Variants in SSH2 observed in about 807,000 individuals in gnomAD.
SSH2 encodes the protein protein phosphatase Slingshot homolog 2.
In SSH2, 37 loss-of-function variants were observed where a neutral mutation model predicts 135.2. That is an observed-to-expected ratio of 0.27 (90% CI 0.21 to 0.36). The LOEUF is 0.36. Ranked by LOEUF, SSH2 falls within the 10% of genes least tolerant of loss-of-function variation. The probability of loss-of-function intolerance (pLI) is 1.00; values close to 1 mark genes in which losing one functional copy is unlikely to be tolerated. For synonymous variants in SSH2, 628 were observed against 646.2 expected, an observed-to-expected ratio of 0.97 and a Z score of 0.43; for missense variants, 1,408 against 1,765.3, an observed-to-expected ratio of 0.80 and a Z score of 3.63.
At chr17:29,852,699 G>A (rs1189202841) in intron 1 of SSH2, among the ~76,000 whole-genome samples, 2 of 150,526 alleles carry the variant, frequency 1.3e-5, no homozygotes, top group Non-Finnish European at 3.0e-5. Flanking sequence ...CTACAGGCGC[G>A]TGCCACCACG....
At chr17:29,793,687 G>T in intron 3 of SSH2, 1 of 453,996 alleles carries the variant, frequency 2.2e-6, no homozygotes, top group Non-Finnish European at 4.0e-6. Flanking sequence ...TCAAACTCCT[G>T]GCCTTAAGCA....
At chr17:29,653,419 A>C (rs1419808506) in intron 12 of SSH2, among the ~76,000 whole-genome samples, 1 of 152,178 alleles carries the variant, frequency 6.6e-6, no homozygotes, top group African/African-American at 2.4e-5. Flanking sequence ...TGCATTTTAT[A>C]ATTTAGCCTT....
At chr17:29,736,646 G>A (rs1383239119) in intron 3 of SSH2, among the ~76,000 whole-genome samples, 1 of 150,978 alleles carries the variant, frequency 6.6e-6, no homozygotes, top group Non-Finnish European at 1.5e-5. Context: ...AATTAGCCAG[G>A]CACGGTGGCA....
chr17:29,734,507 A>C (rs2040303736), intron 3 of SSH2, among the ~76,000 whole-genome samples: 1 of 152,158 alleles, frequency 6.6e-6, no homozygotes, highest in South Asian at 2.1e-4. Flanking sequence ...TAAATATCCA[A>C]GCCTAGGGCA....
At chr17:29,737,812 T>C (rs567342638) in intron 3 of SSH2, among the ~76,000 whole-genome samples, 1 of 152,348 alleles carries the variant, frequency 6.6e-6, no homozygotes, top group South Asian at 2.1e-4. Flanking sequence ...AGCAAGATAT[T>C]CTGCTAACTT....
intron 3 of SSH2, among the ~76,000 whole-genome samples, chr17:29,709,785 G>A (rs934525633): frequency 5.3e-5 from 8 of 152,104 alleles, no homozygotes; most frequent in Admixed American, 6.5e-5. Context: ...TAAACAGAAA[G>A]ACTACACTGA....
intron 3 of SSH2, among the ~76,000 whole-genome samples, chr17:29,742,947 T>A (rs943306916): frequency 6.6e-6 from 1 of 151,628 alleles, no homozygotes; most frequent in African/African-American, 2.4e-5. Context: ...CTTTTGATTT[T>A]TTGAGACACA....
chr17:29,773,670 G>T (rs2041634609), intron 3 of SSH2, among the ~76,000 whole-genome samples: 1 of 152,106 alleles, frequency 6.6e-6, no homozygotes, highest in Admixed American at 6.6e-5. Context: ...GATCATTTGG[G>T]TTATTTTTTT....
chr17:29,908,179 C>T (rs764667632), intron 1 of SSH2, among the ~76,000 whole-genome samples: 1 of 152,032 alleles, frequency 6.6e-6, no homozygotes, highest in Non-Finnish European at 1.5e-5. Context: ...TTCCCCAAGG[C>T]CAGGTAATCC....
chr17:29,777,900 A>G (rs1025371476), intron 3 of SSH2, among the ~76,000 whole-genome samples: 1 of 151,906 alleles, frequency 6.6e-6, no homozygotes, highest in African/African-American at 2.4e-5. Flanking sequence ...AGGGGCCAGC[A>G]GATGGGAACA....
chr17:29,632,846 A>C lies in SSH2; in HGVS notation c.2348T>G (p.Ile783Ser). Residue 783 changes from isoleucine to serine, a missense_variant, in exon 16 of 16, where the codon ATT (isoleucine) becomes AGT (serine). Ile to Ser is a moderately radical substitution (Grantham distance 142, BLOSUM62 -2). This residue lies in a region of SSH2 where 1,080 missense variants were observed against 1,144.5 expected (regional missense o/e 0.94). Coordinates refer to ENST00000540801, the MANE Select transcript of SSH2 (RefSeq NM_001282129.2). ...AISVKEIVTEIESISQGVGQI... is the reference protein window; with the variant it reads ...AISVKEIVTESESISQGVGQI... ...CCCAACTCCTTGACTGATGGACTCA[A>C]TTTCAGTGACAATTTCTTTGACTGA... 1 of 1,614,162 alleles carries C rather than the reference A, an allele frequency of 6.2e-7. No individual in the cohort carries two copies. Among genetic ancestry groups the C allele is most frequent in the Non-Finnish European group, 8.5e-7 (1 of 1,180,026 alleles).
chr17:29,660,957 C>T (rs1017893790), intron 11 of SSH2, among the ~76,000 whole-genome samples: 4 of 146,834 alleles, frequency 2.7e-5, no homozygotes, highest in Non-Finnish European at 6.0e-5. Flanking sequence ...GCTACTTGGG[C>T]GGCTGAGGTA....
intron 3 of SSH2, among the ~76,000 whole-genome samples, chr17:29,773,226 T>A (rs1461559671): frequency 4.6e-5 from 7 of 152,160 alleles, no homozygotes; most frequent in African/African-American, 1.7e-4. Context: ...CTTGGAATCC[T>A]ACCTAACTAA....
intron 2 of SSH2, among the ~76,000 whole-genome samples, chr17:29,815,125 T>A (rs1353669985): frequency 1.3e-4 from 1 of 7,752 alleles, no homozygotes; most frequent in Non-Finnish European, 5.6e-4. Flanking sequence ...TTTTTTGTAT[T>A]TTTTTTTTTT....
chr17:29,894,378 T>C (rs2151448949), intron 1 of SSH2, among the ~76,000 whole-genome samples: 1 of 152,088 alleles, frequency 6.6e-6, no homozygotes, highest in African/African-American at 2.4e-5. Flanking sequence ...CACAGAGGAT[T>C]GATTCCAGGA....
At chr17:29,830,524 T>A (rs969362233) in intron 2 of SSH2, among the ~76,000 whole-genome samples, 1 of 152,220 alleles carries the variant, frequency 6.6e-6, no homozygotes, top group African/African-American at 2.4e-5. Context: ...ACTGCATAAT[T>A]AGCTGTTTAA....
intron 1 of SSH2, among the ~76,000 whole-genome samples, chr17:29,880,244 C>T (rs575388248): frequency 6.6e-5 from 10 of 152,306 alleles, no homozygotes; most frequent in African/African-American, 2.2e-4. Flanking sequence ...CTCAGTCTGC[C>T]GTGTAGCTAG....
At chr17:29,636,892 C>CT (rs2035937120) in intron 14 of SSH2, 90 bp from the exon 15 acceptor site, 1 of 940,384 alleles carries the variant, frequency 1.1e-6, no homozygotes, top group African/African-American at 1.6e-5. Context: ...TAAATCTTAA[C>CT]TTGTAAAAAT....
chr17:29,816,738 G>A (rs958658436), intron 2 of SSH2, among the ~76,000 whole-genome samples: 15 of 150,846 alleles, frequency 9.9e-5, no homozygotes, highest in African/African-American at 3.2e-4. Context: ...CTTAATTTAC[G>A]GAAATGAAGG....
Sources: allele counts gnomAD v4.1 joint callset (sites outside exome capture counted in the v4.1 genomes callset), GRCh38; gene constraint gnomAD v4.1.1; regional missense constraint gnomAD v4.1.1; transcripts MANE v1.5; gene names NCBI Gene and HGNC (gene_info 2026-07-23, HGNC 2026-07-21).